UBL3: variants seen among roughly 807,000 people sequenced by gnomAD.
UBL3 encodes ubiquitin like 3.
In UBL3, 6 loss-of-function variants were observed where a neutral mutation model predicts 18.4. The observed-to-expected ratio is 0.33, with a 90% CI of 0.18 to 0.64. The LOEUF (loss-of-function observed/expected upper bound fraction) is 0.64. UBL3 is among the 30% of genes least tolerant of loss of function. UBL3 has a pLI of 0.76. For missense variants in UBL3, 109 were observed against 142.9 expected (o/e 0.76, Z 1.21); for synonymous variants, 49 against 46.6 (o/e 1.05, Z -0.21).
intron 3 of UBL3, among the ~76,000 whole-genome samples, chr13:29,769,235 A>C (rs1876772656): frequency 6.6e-6 from 1 of 152,134 alleles, no homozygotes; most frequent in Non-Finnish European, 1.5e-5. Flanking sequence ...TATGTAAAAA[A>C]TGTCAAGACA....
intron 4 of UBL3, 76 bp from the exon 5 acceptor site, chr13:29,767,383 T>C (rs1876717430): frequency 2.6e-6 from 4 of 1,519,124 alleles, no homozygotes; most frequent in African/African-American, 1.4e-5. Context: ...CAATCAAGTG[T>C]AGGAAGTAGT....
intron 1 of UBL3, among the ~76,000 whole-genome samples, chr13:29,802,778 C>T (rs1029040591): frequency 6.6e-6 from 1 of 152,042 alleles, no homozygotes; most frequent in African/African-American, 2.4e-5. Flanking sequence ...AAAGAATGAA[C>T]GAAACTCCTG....
intron 3 of UBL3, among the ~76,000 whole-genome samples, chr13:29,771,004 C>G (rs1446925810): frequency 6.6e-6 from 1 of 151,998 alleles, no homozygotes; most frequent in Non-Finnish European, 1.5e-5. Flanking sequence ...TACTTTAGCC[C>G]TTATTGCCCA....
intron 1 of UBL3, among the ~76,000 whole-genome samples, chr13:29,786,333 G>A (rs1385650599): frequency 1.3e-5 from 2 of 152,134 alleles, no homozygotes; most frequent in African/African-American, 2.4e-5. Flanking sequence ...TTGCCCCAAG[G>A]CCTTTACACA....
At chr13:29,813,328 T>A (rs1459316333) in intron 1 of UBL3, among the ~76,000 whole-genome samples, 1 of 152,070 alleles carries the variant, frequency 6.6e-6, no homozygotes, top group African/African-American at 2.4e-5. Context: ...ATTTTCTCTT[T>A]GCTCAGAAAT....
intron 1 of UBL3, among the ~76,000 whole-genome samples, chr13:29,839,012 A>G (rs1050422249): frequency 6.6e-6 from 1 of 152,254 alleles, no homozygotes; most frequent in African/African-American, 2.4e-5. Context: ...CAGAACAATC[A>G]TAAATTTATT....
At chr13:29,828,064 G>C (rs1878671509) in intron 1 of UBL3, among the ~76,000 whole-genome samples, 1 of 152,096 alleles carries the variant, frequency 6.6e-6, no homozygotes, top group African/African-American at 2.4e-5. Context: ...TAGTCTGATG[G>C]GCTTCCCTTT....
At chr13:29,809,628 G>A (rs1593664339) in intron 1 of UBL3, among the ~76,000 whole-genome samples, 1 of 152,112 alleles carries the variant, frequency 6.6e-6, no homozygotes, top group South Asian at 2.1e-4. Flanking sequence ...AGACCCCTTA[G>A]AAGACTTTGC....
chr13:29,784,998 C>T (rs183309408), intron 1 of UBL3, among the ~76,000 whole-genome samples: 9 of 152,296 alleles, frequency 5.9e-5, no homozygotes, highest in South Asian at 2.1e-4. Flanking sequence ...CTCCGGCTCC[C>T]GGGTTCAGGC....
At chr13:29,777,441 T>C (rs1877029934) in intron 1 of UBL3, 178 bp from the exon 2 acceptor site, 3 of 689,598 alleles carry the variant, frequency 4.4e-6, no homozygotes, top group Middle Eastern at 4.9e-4. Context: ...TTTGATTTTA[T>C]TTCCTATTAT....
At chr13:29,828,743 C>T (rs1593672046) in intron 1 of UBL3, among the ~76,000 whole-genome samples, 1 of 152,318 alleles carries the variant, frequency 6.6e-6, no homozygotes, top group African/African-American at 2.4e-5. Flanking sequence ...TGGAGGGAAA[C>T]AGGCGCTCTG....
At chr13:29,776,261 C>CTTTTT (rs5741722) in intron 2 of UBL3, among the ~76,000 whole-genome samples, 3 of 91,702 alleles carry the variant, frequency 3.3e-5, no homozygotes, top group African/African-American at 8.5e-5. Flanking sequence ...TCTTTTCTTT[C>CTTTTT]TTTTTTTTTT....
intron 1 of UBL3, among the ~76,000 whole-genome samples, chr13:29,846,360 C>T (rs1321404312): frequency 6.6e-6 from 1 of 151,972 alleles, no homozygotes; most frequent in Non-Finnish European, 1.5e-5. Context: ...ATATATATTG[C>T]AGAATGTAGT....
intron 1 of UBL3, among the ~76,000 whole-genome samples, chr13:29,832,355 C>G (rs984415097): frequency 1.2e-4 from 17 of 145,214 alleles, no homozygotes; most frequent in African/African-American, 4.4e-4. Context: ...TTTTTTAAGA[C>G]GGAGTCTCGC....
In UBL3 at chr13:29,767,604, A is replaced by G. The variant is rs1454372717; in HGVS notation, c.301+14T>C. The G allele has an allele frequency of 3.7e-6, 6 of 1,610,750 alleles. No individual in the cohort carries two copies. Among genetic ancestry groups the G allele is most frequent in the Non-Finnish European group, 4.2e-6 (5 of 1,178,384 alleles). On this transcript the variant is annotated intron_variant, in intron 4 of 4. Coordinates refer to ENST00000380680, the MANE Select transcript of UBL3 (RefSeq NM_007106.4). ...TGTGCCTCAACTGAGATACTTTTCC[A>G]GTGCATGGCTTACCTTGAGAGTTTG...
At chr13:29,826,010 A>T (rs1052434957) in intron 1 of UBL3, among the ~76,000 whole-genome samples, 1 of 152,044 alleles carries the variant, frequency 6.6e-6, no homozygotes, top group Non-Finnish European at 1.5e-5. Context: ...ATTGATTTGC[A>T]TATGCTGAAC....
At chr13:29,825,208 A>G (rs1329786799) in intron 1 of UBL3, among the ~76,000 whole-genome samples, 4 of 152,114 alleles carry the variant, frequency 2.6e-5, no homozygotes, top group African/African-American at 7.2e-5. Context: ...TTGGTTCCAT[A>G]TGAACTTTAG....
In UBL3 at chr13:29,821,524, G is replaced by A. The variant is rs1388256782; in HGVS notation, c.27+27988C>T. On this transcript the variant is annotated intron_variant, in intron 1 of 4. Coordinates refer to ENST00000380680, the MANE Select transcript of UBL3 (RefSeq NM_007106.4). ...ACTTTAAAACCTCTAAAGTAAGATC[G>A]GGCTACTACTGCATTCCAGATACTA... Among the ~76,000 whole-genome samples, 4 of 152,036 alleles carry A rather than the reference G, an allele frequency of 2.6e-5. 1 individual carries two copies. Among genetic ancestry groups the A allele is most frequent in the South Asian group, 4.1e-4 (2 of 4,820 alleles).
At position 29,777,144 on chromosome 13, in the gene UBL3, A is replaced by G. The variant is rs760953644; in HGVS notation, c.136+11T>C. The G allele has an allele frequency of 1.5e-5, 23 of 1,566,348 alleles. 1 individual carries two copies. The South Asian group carries it at 1.8e-4, about 12-fold the overall frequency. ...AACATTATTCATACTCAAGAGAAAAATATCACTCACCCATTGGCCAATTGT... is the reference window on the plus strand; with the variant it reads ...AACATTATTCATACTCAAGAGAAAAGTATCACTCACCCATTGGCCAATTGT... On this transcript the variant is annotated intron_variant, in intron 2 of 4. Coordinates refer to ENST00000380680, the MANE Select transcript of UBL3 (RefSeq NM_007106.4).
Sources: gnomAD v4.1 joint callset for allele counts (sites outside exome capture counted in the v4.1 genomes callset) on GRCh38, gnomAD v4.1.1 for gene constraint, MANE v1.5 for transcripts, NCBI Gene and HGNC (gene_info 2026-07-23, HGNC 2026-07-21) for gene names.